Variants in TEX30 observed in about 807,000 individuals in gnomAD.
TEX30 encodes testis expressed 30, also known as testis-expressed protein 30.
Under a neutral mutation model 23.8 loss-of-function variants are expected in TEX30, and 14 were observed. The observed-to-expected ratio is 0.59, with a 90% CI of 0.39 to 0.92. The LOEUF (loss-of-function observed/expected upper bound fraction) is 0.92. Among genes scored for constraint, TEX30 ranks in the 40% least tolerant of loss-of-function variants. TEX30 has a pLI of 0.00. For missense variants in TEX30, 246 were observed against 270.6 expected (o/e 0.91, Z 0.64); for synonymous variants, 78 against 90.2 (o/e 0.87, Z 0.76).
At chr13:102,768,212 CTATAT>C in intron 4 of TEX30, 43 bp downstream of exon 4, 1 of 1,414,742 alleles carries the variant, frequency 7.1e-7, no homozygotes, top group East Asian at 2.4e-5. Context: ...TTACCTATTC[CTATAT>C]TAAAACAGGT....
rs151250473 is a variant in TEX30 at position 102,771,971 on chromosome 13, T to C, written c.-61+1711A>G. The stretch of plus-strand genomic sequence containing the variant: ...GGTTAATACAGGGTTTGCTAAGCCA[T>C]ACATGTTTTGGAGCCCGCTATTTGA... On this transcript the variant is annotated intron_variant, in intron 1 of 5. Transcript: ENST00000376032. Among the ~76,000 whole-genome samples the C allele has an allele frequency of 7.9e-3, 1,209 of 152,344 alleles. 6 individuals carry two copies. The highest frequency in any genetic ancestry group is 0.013 in the Non-Finnish European group (898 of 68,032).
At position 102,773,764 on chromosome 13, in the gene TEX30, T is replaced by C. The variant is rs926575893; in HGVS notation, c.-143A>G. On this transcript the variant is annotated 5_prime_UTR_variant, in exon 1 of 6. Transcript: ENST00000376032. ...GACTAGCGCGCTCGAAGCGACCGCC[T>C]CGCCTGCCCCGCCACAGCGTTCGGC... is the stretch of plus-strand genomic sequence containing the variant. The C allele has an allele frequency of 2.6e-5, 4 of 151,868 alleles. No homozygotes were observed. Among genetic ancestry groups the C allele is most frequent in the Non-Finnish European group, 2.9e-5 (2 of 67,966 alleles). 9.4% of individuals were successfully genotyped at this position (151,868 alleles called of 1,614,324 possible).
At chr13:102,768,649 A>C (rs1877081868) in intron 3 of TEX30, among the ~76,000 whole-genome samples, 1 of 152,248 alleles carries the variant, frequency 6.6e-6, no homozygotes, top group Non-Finnish European at 1.5e-5. Flanking sequence ...TAATGTTAAC[A>C]TCTAAAGTTC....
Position 102,767,426 on chromosome 13 carries a change from T to C in TEX30, c.351A>G (p.Pro117=). 1 of 1,614,180 alleles carries C rather than the reference T, an allele frequency of 6.2e-7. No individual in the cohort carries two copies. The highest frequency in any genetic ancestry group is 8.5e-7 in the Non-Finnish European group (1 of 1,180,038). ...AAASVMCHIE[P]DDGDDFVRGL... is the part of the protein sequence containing the mutation. ...CCCGAACAAAATCATCACCATCATC[T>C]GGCTCAATGTGACACATTACAGAAG... Residue 117 remains proline (P), a synonymous_variant, in exon 5 of 6, where the codon CCA becomes CCG. Coordinates refer to ENST00000376032, the MANE Select transcript of TEX30 (RefSeq NM_138779.5).
chr13:102,769,239 A>C, intron 3 of TEX30, 72 bp downstream of exon 3: 1 of 1,145,292 alleles, frequency 8.7e-7, no homozygotes, highest in South Asian at 1.7e-5. Context: ...ATGACTAATA[A>C]AATTTATCTT....
At chr13:102,773,644 CGTCA>C (rs1406317045) in intron 1 of TEX30, 34 bp downstream of exon 1, 1 of 152,182 alleles carries the variant, frequency 6.6e-6, no homozygotes, top group Non-Finnish European at 1.5e-5. Context: ...GGAAGCCGCC[CGTCA>C]GCCGGCGGCG....
intron 1 of TEX30, among the ~76,000 whole-genome samples, chr13:102,772,745 T>C (rs1016967410): frequency 1.8e-4 from 28 of 152,336 alleles, no homozygotes; most frequent in African/African-American, 6.7e-4. Flanking sequence ...CCAGCTAATT[T>C]TAGTAGAGAC....
chr13:102,767,297 G>A lies in TEX30; in HGVS notation c.480C>T (p.Gly160=), dbSNP rs766982732. 5.0e-6 allele frequency: 8 copies of A among 1,613,766 alleles called. No homozygotes were observed. In the South Asian group the frequency reaches 7.7e-5, roughly 16 times the overall value. ...RLKEPVLFVS[G]SADEMCEKNL... ...CCTTTTCACACATTTCATCTGCTGA[G>A]CCTGACACAAACAGTACAGGCTCTT... is the stretch of plus-strand genomic sequence containing the variant. The change falls in exon 5 of 6, where the codon GGC becomes GGT. Residue 160 remains glycine (G), a synonymous_variant. Transcript: ENST00000376032.
At chr13:102,771,255 T>G (rs955456536) in intron 1 of TEX30, among the ~76,000 whole-genome samples, 1 of 152,212 alleles carries the variant, frequency 6.6e-6, no homozygotes, top group South Asian at 2.1e-4. Flanking sequence ...CTTCCCAAGG[T>G]GAATACATTT....
chr13:102,770,659 A>G (rs1877256328), intron 1 of TEX30: 1 of 152,122 alleles, frequency 6.6e-6, no homozygotes, highest in South Asian at 2.1e-4. Flanking sequence ...AACTTCCAGA[A>G]GCCCTTTTGA....
chr13:102,766,154 C>T lies in TEX30; in HGVS notation c.*247G>A, dbSNP rs565491975. 5 of 256,660 alleles carry T rather than the reference C, an allele frequency of 1.9e-5. No individual in the cohort carries two copies. The South Asian group carries it at 7.4e-4, about 38-fold the overall frequency. The allele number at this position is 256,660 out of a possible 1,614,324, so 15.9% of individuals were successfully genotyped here. A position where few individuals can be genotyped will look rare whatever the true frequency, so the allele number is the denominator to read the frequency against. On this transcript the variant is annotated 3_prime_UTR_variant, in exon 6 of 6. Transcript: ENST00000376032. ...ATGTTTAATTTTTTTCAAAACTTAA[C>T]TATACTAATGAAAATAAATTATATG...
chr13:102,769,871 T>C, intron 2 of TEX30, 141 bp downstream of exon 2: 1 of 700,040 alleles, frequency 1.4e-6, no homozygotes, highest in Middle Eastern at 2.8e-4. Context: ...GGTAGTCTGC[T>C]CTAGATTCCT....
chr13:102,770,062 C>G lies in TEX30; in HGVS notation c.-36G>C, dbSNP rs764113007. ...GAATAACAAACTTAAAGTGCATTTA[C>G]ATCTGAGAAGCAAAGGACATCTCCC... On this transcript the variant is annotated 5_prime_UTR_variant, in exon 2 of 6. An upstream start codon of the reference 5' UTR is lost. Transcript: ENST00000376032. The G allele has an allele frequency of 1.5e-6, 2 of 1,341,506 alleles. No individual in the cohort carries two copies. Among genetic ancestry groups the G allele is most frequent in the South Asian group, 4.7e-5 (2 of 42,728 alleles). The allele number at this position is 1,341,506 out of a possible 1,614,324, so 83.1% of individuals were successfully genotyped here. A position where few individuals can be genotyped will look rare whatever the true frequency, so the allele number is the denominator to read the frequency against.
Position 102,767,430 on chromosome 13 carries a change from T to C in TEX30, c.347A>G (p.Glu116Gly), listed in dbSNP as rs1180077282. ...RAAASVMCHI[E>G]PDDGDDFVRG... ...AACAAAATCATCACCATCATCTGGC[T>C]CAATGTGACACATTACAGAAGCAGC... The change falls in exon 5 of 6, where the codon GAG (glutamate) becomes GGG (glycine). Residue 116 changes from glutamate to glycine, a missense_variant. Physicochemically the swap from Glu to Gly is moderately conservative, Grantham distance 98. Coordinates refer to ENST00000376032, the MANE Select transcript of TEX30 (RefSeq NM_138779.5). 1.2e-6 allele frequency: 2 copies of C among 1,614,040 alleles called. No individual in the cohort carries two copies. Among genetic ancestry groups the C allele is most frequent in the Non-Finnish European group, 1.7e-6 (2 of 1,180,034 alleles).
intron 1 of TEX30, among the ~76,000 whole-genome samples, chr13:102,771,410 T>G (rs1470139936): frequency 6.6e-6 from 1 of 152,238 alleles, no homozygotes; most frequent in Non-Finnish European, 1.5e-5. Flanking sequence ...AGGTATCGTG[T>G]GTACATGGTA....
At position 102,767,584 on chromosome 13, in the gene TEX30, C is replaced by T. The variant is rs1595291428; in HGVS notation, c.299-106G>A. On this transcript the variant is annotated intron_variant, in intron 4 of 5. Coordinates refer to ENST00000376032, the MANE Select transcript of TEX30 (RefSeq NM_138779.5). ...TTTTACTGTTCATCATATCTGTTTA[C>T]CAACAAATTAACTCCAAAAGGCAGC... 17 of 1,184,936 alleles carry T rather than the reference C, an allele frequency of 1.4e-5. No individual in the cohort carries two copies. The East Asian group carries it at 4.3e-4, about 30-fold the overall frequency. 73.4% of individuals were successfully genotyped at this position (1,184,936 alleles called of 1,614,324 possible). A position where few individuals can be genotyped will look rare whatever the true frequency, so the allele number is the denominator to read the frequency against.
chr13:102,767,309 C>CA lies in TEX30; in HGVS notation c.467dup (p.Phe157ValfsTer8), dbSNP rs1566425469. ...TTTCATCTGCTGAGCCTGACACAAA[C>CA]AGTACAGGCTCTTTTAAACGAAAGA... On this transcript the variant is annotated frameshift_variant, in exon 5 of 6. Coordinates refer to ENST00000376032, the MANE Select transcript of TEX30 (RefSeq NM_138779.5). LOFTEE classifies it high-confidence loss of function. 6.2e-7 allele frequency: 1 copy of CA among 1,613,974 alleles called. No individual in the cohort carries two copies. Among genetic ancestry groups the CA allele is most frequent in the South Asian group, 1.1e-5 (1 of 91,068 alleles).
intron 4 of TEX30, 120 bp from the exon 5 acceptor site, chr13:102,767,598 C>T: frequency 9.4e-7 from 1 of 1,067,524 alleles, no homozygotes; most frequent in Non-Finnish European, 1.3e-6. Context: ...CAAATTAACT[C>T]CAAAAGGCAG....
chr13:102,772,503 C>T (rs779676078), intron 1 of TEX30, among the ~76,000 whole-genome samples: 9 of 152,198 alleles, frequency 5.9e-5, no homozygotes, highest in Non-Finnish European at 1.0e-4. Context: ...ACGGCAGCTG[C>T]ACACATGCTG....
Sources: allele counts gnomAD v4.1 joint callset (sites outside exome capture counted in the v4.1 genomes callset), GRCh38; gene constraint gnomAD v4.1.1; transcripts MANE v1.5; gene names NCBI Gene and HGNC (gene_info 2026-07-23, HGNC 2026-07-21).